The following ZNF407 variants were observed in gnomAD, a reference collection of about 807,000 sequenced individuals.
The protein encoded by ZNF407 is zinc finger protein 407.
In ZNF407, 17 loss-of-function variants were observed where a neutral mutation model predicts 131.2. The observed-to-expected ratio is 0.13, with a 90% CI of 0.09 to 0.19. The LOEUF is 0.19. Among genes scored for constraint, ZNF407 ranks in the 10% least tolerant of loss-of-function variants. The pLI, the probability that ZNF407 is intolerant of heterozygous loss-of-function variation, is 1.00. For synonymous variants in ZNF407, 1,156 were observed against 1,062.0 expected (o/e 1.09, Z -1.72); for missense variants, 2,681 against 2,830.6 (o/e 0.95, Z 1.20).
chr18:74,985,078 C>T (rs190257392), intron 8 of ZNF407, among the ~76,000 whole-genome samples: 5 of 152,220 alleles, frequency 3.3e-5, no homozygotes, highest in African/African-American at 7.2e-5. Flanking sequence ...AATGCATTGT[C>T]GATATTTGAG....
chr18:74,683,627 C>T (rs1194500331), intron 3 of ZNF407, among the ~76,000 whole-genome samples: 1 of 152,188 alleles, frequency 6.6e-6, no homozygotes, highest in African/African-American at 2.4e-5. Context: ...ATGAATGAAT[C>T]ACACTTGTAG....
chr18:74,828,032 G>A (rs1970432348), intron 4 of ZNF407, among the ~76,000 whole-genome samples: 1 of 152,134 alleles, frequency 6.6e-6, no homozygotes, highest in African/African-American at 2.4e-5. Flanking sequence ...TCGCTACTCA[G>A]GTGCTCCCTT....
intron 3 of ZNF407, among the ~76,000 whole-genome samples, chr18:74,776,099 T>C (rs905729836): frequency 3.3e-5 from 5 of 152,126 alleles, no homozygotes; most frequent in African/African-American, 1.2e-4. Context: ...TATTAATTAG[T>C]TGGAGCATTT....
intron 4 of ZNF407, among the ~76,000 whole-genome samples, chr18:74,871,504 C>A (rs1971086363): frequency 6.7e-6 from 1 of 148,310 alleles, no homozygotes; most frequent in Non-Finnish European, 1.5e-5. Context: ...ATAAGCAATA[C>A]CTGTCAGTTT....
chr18:74,669,845 A>G (rs902907349), intron 3 of ZNF407, among the ~76,000 whole-genome samples: 4 of 152,206 alleles, frequency 2.6e-5, no homozygotes, highest in Non-Finnish European at 5.9e-5. Flanking sequence ...TAATTGAAAA[A>G]CATCTAAAGA....
At chr18:74,940,072 C>T (rs1380797641) in intron 8 of ZNF407, among the ~76,000 whole-genome samples, 2 of 152,122 alleles carry the variant, frequency 1.3e-5, no homozygotes, top group Non-Finnish European at 2.9e-5. Context: ...ATATTACCTG[C>T]CCATTAAGTA....
At chr18:74,704,246 C>T (rs1358151966) in intron 3 of ZNF407, among the ~76,000 whole-genome samples, 1 of 152,218 alleles carries the variant, frequency 6.6e-6, no homozygotes, top group East Asian at 1.9e-4. Flanking sequence ...GGCTTCCACA[C>T]ATTTTCAGTA....
chr18:74,924,280 A>G (rs1473683991), intron 8 of ZNF407, among the ~76,000 whole-genome samples: 1 of 152,112 alleles, frequency 6.6e-6, no homozygotes, highest in East Asian at 1.9e-4. Context: ...AGTTTGAGAA[A>G]TTCATCAAAG....
At position 74,631,051 on chromosome 18, in the gene ZNF407, A is replaced by G. The variant is rs771389467; in HGVS notation, c.32A>G (p.Asp11Gly). MMDSENKPEN[D>G]EDEKINKEAQ... Reference sequence around the variant, plus strand: ...GATAGTGAGAATAAACCCGAAAATGATGAGGATGAAAAGATAAACAAAGAA... The same window carrying G: ...GATAGTGAGAATAAACCCGAAAATGGTGAGGATGAAAAGATAAACAAAGAA... The change falls in exon 2 of 9, where the codon GAT becomes GGT. Residue 11 changes from aspartate (D) to glycine (G), a missense_variant. Coordinates refer to ENST00000299687, the MANE Select transcript of ZNF407 (RefSeq NM_017757.3). 6 of 1,610,998 alleles carry G rather than the reference A, an allele frequency of 3.7e-6. No individual in the cohort carries two copies. In the South Asian group the frequency reaches 6.6e-5, roughly 18 times the overall value.
chr18:74,685,547 A>G (rs1305959129), intron 3 of ZNF407, among the ~76,000 whole-genome samples: 1 of 152,166 alleles, frequency 6.6e-6, no homozygotes, highest in Non-Finnish European at 1.5e-5. Context: ...GTGAAAAGCC[A>G]AAGACCTTCC....
intron 8 of ZNF407, among the ~76,000 whole-genome samples, chr18:75,053,700 G>C (rs934302745): frequency 6.6e-6 from 1 of 152,208 alleles, no homozygotes. Flanking sequence ...AAGAAAATGC[G>C]TTATCGTTTT....
chr18:75,055,557 T>G (rs1448071061), intron 8 of ZNF407, among the ~76,000 whole-genome samples: 1 of 152,228 alleles, frequency 6.6e-6, no homozygotes, highest in Non-Finnish European at 1.5e-5. Flanking sequence ...AATACAACAT[T>G]TCTTAGGGTT....
Position 74,633,216 on chromosome 18 carries a change from C to T in ZNF407, c.2197C>T (p.His733Tyr). 1 of 1,613,774 alleles carries T rather than the reference C, an allele frequency of 6.2e-7. No homozygotes were observed. The highest frequency in any genetic ancestry group is 2.2e-5 in the East Asian group (1 of 44,862). ...AAAGCTTCGGCATGGTCAAGACTAT[C>T]ATTTTCTTTGTAAAGCTTGTAATCT... ...HIKLRHGQDYHFLCKACNLYS... is the reference protein window; with the variant it reads ...HIKLRHGQDYYFLCKACNLYS... The change falls in exon 2 of 9, where the codon CAT becomes TAT. Residue 733 changes from histidine to tyrosine, a missense_variant. This residue lies in a region of ZNF407 where 1,789 missense variants were observed against 1,748.7 expected (regional missense o/e 1.02). Transcript: ENST00000299687.
intron 4 of ZNF407, among the ~76,000 whole-genome samples, chr18:74,871,040 T>C (rs1971079651): frequency 6.6e-6 from 1 of 152,220 alleles, no homozygotes; most frequent in African/African-American, 2.4e-5. Flanking sequence ...TGCTTATAGA[T>C]ACTGAATTTG....
intron 3 of ZNF407, among the ~76,000 whole-genome samples, chr18:74,706,940 CTTTTTTTTTTT>C (rs34700805): frequency 1.5e-5 from 2 of 132,352 alleles, no homozygotes; most frequent in Non-Finnish European, 1.6e-5. Context: ...AAGACAGCAG[CTTTTTTTTTTT>C]TTTTTTTTTT....
At chr18:74,908,088 C>A (rs1971620711) in intron 7 of ZNF407, among the ~76,000 whole-genome samples, 1 of 151,954 alleles carries the variant, frequency 6.6e-6, no homozygotes, top group Admixed American at 6.6e-5. Context: ...TCAATGGAAC[C>A]CATTTTGGAA....
chr18:74,770,907 T>C (rs1969347441), intron 3 of ZNF407, among the ~76,000 whole-genome samples: 1 of 152,200 alleles, frequency 6.6e-6, no homozygotes, highest in Non-Finnish European at 1.5e-5. Flanking sequence ...TTATTTCTTA[T>C]GAATAAGCAA....
intron 3 of ZNF407, among the ~76,000 whole-genome samples, chr18:74,763,754 G>T (rs1282704452): frequency 7.0e-6 from 1 of 143,454 alleles, no homozygotes; most frequent in Admixed American, 7.0e-5. Context: ...CTGTCGCCCA[G>T]GCTGGAGGGC....
intron 3 of ZNF407, among the ~76,000 whole-genome samples, chr18:74,672,976 C>CT (rs1220428857): frequency 3.9e-5 from 6 of 152,036 alleles, no homozygotes; most frequent in Admixed American, 3.3e-4. Context: ...GTGTTACTGA[C>CT]TTTTTTTGTG....
Sources: allele counts gnomAD v4.1 joint callset (sites outside exome capture counted in the v4.1 genomes callset), GRCh38; gene constraint gnomAD v4.1.1; regional missense constraint gnomAD v4.1.1; transcripts MANE v1.5; gene names NCBI Gene and HGNC (gene_info 2026-07-23, HGNC 2026-07-21).